RAPGEF6: variants seen among roughly 807,000 people sequenced by gnomAD.
RAPGEF6 encodes the protein PDZ domain containing guanine nucleotide exchange factor (GEF) 2.
RAPGEF6 carries 56 observed loss-of-function variants against 171.4 expected under a neutral mutation model. The observed-to-expected ratio is 0.33, with a 90% CI of 0.26 to 0.41. The LOEUF is 0.41. Among genes scored for constraint, RAPGEF6 ranks in the 10% least tolerant of loss-of-function variants. RAPGEF6 has a pLI of 1.00. For missense variants in RAPGEF6, 1,674 were observed against 1,921.4 expected (o/e 0.87, Z 2.41); for synonymous variants, 692 against 650.1 (o/e 1.06, Z -0.98).
chr5:131,571,188 C>T (rs575233175), intron 4 of RAPGEF6, among the ~76,000 whole-genome samples: 2 of 152,146 alleles, frequency 1.3e-5, no homozygotes, highest in Middle Eastern at 3.4e-3. Context: ...GTGATCCACC[C>T]GCCTTGGCCT....
chr5:131,617,392 T>G (rs1765334351), intron 1 of RAPGEF6, among the ~76,000 whole-genome samples: 1 of 152,240 alleles, frequency 6.6e-6, no homozygotes, highest in South Asian at 2.1e-4. Context: ...TTGTGTAAAC[T>G]TGGATAATCT....
chr5:131,513,799 G>C (rs1347402050), intron 7 of RAPGEF6, among the ~76,000 whole-genome samples: 1 of 152,186 alleles, frequency 6.6e-6, no homozygotes, highest in African/African-American at 2.4e-5. Context: ...CTTGAGCCTA[G>C]GAGTTTGAGG....
intron 5 of RAPGEF6, among the ~76,000 whole-genome samples, chr5:131,561,278 CT>C (rs1474405585): frequency 6.6e-6 from 1 of 152,130 alleles, no homozygotes; most frequent in African/African-American, 2.4e-5. Context: ...TGTCTTTTTA[CT>C]TTTCTCTACT....
At chr5:131,610,705 C>T (rs941740303) in intron 1 of RAPGEF6, among the ~76,000 whole-genome samples, 2 of 152,032 alleles carry the variant, frequency 1.3e-5, no homozygotes, top group African/African-American at 4.8e-5. Flanking sequence ...GTTGCAACCC[C>T]GAGATCAACC....
At chr5:131,442,598 G>T in intron 22 of RAPGEF6, 61 bp from the exon 23 acceptor site, 1 of 1,572,736 alleles carries the variant, frequency 6.4e-7, no homozygotes, top group Non-Finnish European at 8.6e-7. Context: ...ATCACCACTG[G>T]CAATAATAAA....
chr5:131,614,657 G>A (rs896640412), intron 1 of RAPGEF6, among the ~76,000 whole-genome samples: 7 of 152,186 alleles, frequency 4.6e-5, no homozygotes, highest in Non-Finnish European at 1.0e-4. Context: ...TTTGGGTGGG[G>A]ACACAGAGCC....
At chr5:131,608,710 T>C (rs996185684) in intron 1 of RAPGEF6, among the ~76,000 whole-genome samples, 6 of 151,992 alleles carry the variant, frequency 3.9e-5, no homozygotes, top group African/African-American at 1.5e-4. Context: ...GGTAAGTGAG[T>C]TCTCACTCTC....
At chr5:131,624,065 C>CCAGG in intron 1 of RAPGEF6, among the ~76,000 whole-genome samples, 2 of 152,236 alleles carry the variant, frequency 1.3e-5, no homozygotes, top group Non-Finnish European at 2.9e-5. Flanking sequence ...TCAGAATGTA[C>CCAGG]CAGGCCAGAG....
intron 20 of RAPGEF6, among the ~76,000 whole-genome samples, chr5:131,454,513 T>C (rs1187778649): frequency 6.6e-6 from 1 of 152,000 alleles, no homozygotes; most frequent in East Asian, 1.9e-4. Context: ...CGATGTTGAA[T>C]ATGTTCAAAG....
At chr5:131,508,244 G>A (rs1757492876) in intron 8 of RAPGEF6, 37 bp from the exon 9 acceptor site, 20 of 1,575,540 alleles carry the variant, frequency 1.3e-5, no homozygotes, top group Admixed American at 1.9e-5. Context: ...AAAGACCATC[G>A]AGGACTATAC....
At chr5:131,454,063 T>C (rs773844117) in intron 20 of RAPGEF6, among the ~76,000 whole-genome samples, 1 of 152,136 alleles carries the variant, frequency 6.6e-6, no homozygotes, top group Non-Finnish European at 1.5e-5. Flanking sequence ...CCTAGGTGTA[T>C]CTGATTTCAG....
At chr5:131,446,353 T>A in intron 22 of RAPGEF6, 130 bp downstream of exon 22, 1 of 817,354 alleles carries the variant, frequency 1.2e-6, no homozygotes, top group Non-Finnish European at 1.9e-6. Flanking sequence ...GATCACATGA[T>A]GCTTAAGGTA....
intron 4 of RAPGEF6, among the ~76,000 whole-genome samples, chr5:131,563,260 C>T (rs1458005336): frequency 1.3e-5 from 2 of 151,768 alleles, no homozygotes; most frequent in African/African-American, 4.8e-5. Flanking sequence ...ATTAATCATT[C>T]AAACAAAACA....
intron 21 of RAPGEF6, among the ~76,000 whole-genome samples, chr5:131,451,948 A>C (rs536583291): frequency 6.6e-6 from 1 of 152,298 alleles, no homozygotes; most frequent in African/African-American, 2.4e-5. Context: ...ATTACTAGGA[A>C]TAGGCCAGGC....
At chr5:131,472,401 T>C (rs1456571441) in intron 17 of RAPGEF6, 186 bp downstream of exon 17, 3 of 746,948 alleles carry the variant, frequency 4.0e-6, no homozygotes, top group Non-Finnish European at 6.9e-6. Flanking sequence ...GTACTTCTGT[T>C]TCACTTTAGA....
At chr5:131,470,061 A>C (rs901287854) in intron 17 of RAPGEF6, among the ~76,000 whole-genome samples, 1 of 152,228 alleles carries the variant, frequency 6.6e-6, no homozygotes, top group Non-Finnish European at 1.5e-5. Flanking sequence ...AAGAAGCTGA[A>C]TTTGGAATTA....
intron 15 of RAPGEF6, among the ~76,000 whole-genome samples, chr5:131,487,684 T>G (rs1403233323): frequency 6.6e-6 from 1 of 152,194 alleles, no homozygotes; most frequent in African/African-American, 2.4e-5. Context: ...GACAGAAATG[T>G]TCTCCGAGTC....
At chr5:131,612,059 G>A (rs1764964426) in intron 1 of RAPGEF6, among the ~76,000 whole-genome samples, 2 of 152,036 alleles carry the variant, frequency 1.3e-5, no homozygotes, top group African/African-American at 4.8e-5. Flanking sequence ...TTTAGAGACG[G>A]GGTCTCACTC....
At chr5:131,458,359 C>T (rs1006805219) in intron 19 of RAPGEF6, among the ~76,000 whole-genome samples, 13 of 152,184 alleles carry the variant, frequency 8.5e-5, no homozygotes, top group African/African-American at 2.7e-4. Context: ...ATGTAAGACA[C>T]GCCATGTTTG....
Sources: allele counts gnomAD v4.1 joint callset (sites outside exome capture counted in the v4.1 genomes callset), GRCh38; gene constraint gnomAD v4.1.1; transcripts MANE v1.5; gene names NCBI Gene and HGNC (gene_info 2026-07-23, HGNC 2026-07-21).